RANBP2: variants seen among roughly 807,000 people sequenced by gnomAD.
RANBP2 encodes the protein RAN binding protein 2, also known as E3 SUMO-protein ligase RanBP2.
Under a neutral mutation model 303.6 loss-of-function variants are expected in RANBP2, and 57 were observed. The ratio of observed to expected loss-of-function variants is 0.19; its 90% CI spans 0.15 to 0.23. RANBP2 has a LOEUF of 0.23. RANBP2 is among the 10% of genes least tolerant of loss of function. RANBP2 has a pLI of 1.00. For missense variants in RANBP2, 3,138 were observed against 3,780.8 expected, an observed-to-expected ratio of 0.83 and a Z score of 4.46; for synonymous variants, 1,167 against 1,301.5, an observed-to-expected ratio of 0.90 and a Z score of 2.23.
chr2:109,151,176 G>A, the RANBP2 span, among the ~76,000 whole-genome samples: 1 of 152,220 alleles, frequency 6.6e-6, no homozygotes, highest in Non-Finnish European at 1.5e-5. Context: ...AAAGTGCAAT[G>A]AATATATTGA....
the RANBP2 span, chr2:109,585,108 C>T: frequency 1.4e-6 from 2 of 1,472,052 alleles, no homozygotes; most frequent in Non-Finnish European, 1.8e-6. Flanking sequence ...TGTTTTATTA[C>T]AAGAAGAAAA....
At chr2:109,105,796 C>T in the RANBP2 span, among the ~76,000 whole-genome samples, 1 of 151,238 alleles carries the variant, frequency 6.6e-6, no homozygotes, top group Non-Finnish European at 1.5e-5. Flanking sequence ...ACCTGATGAT[C>T]CACCCATCTT....
chr2:109,009,487 T>C, the RANBP2 span, among the ~76,000 whole-genome samples: 1 of 152,096 alleles, frequency 6.6e-6, no homozygotes, highest in African/African-American at 2.4e-5. Context: ...CCACCCAAGA[T>C]TACCACGGTT....
chr2:109,078,717 G>A, the RANBP2 span, among the ~76,000 whole-genome samples: 13 of 146,360 alleles, frequency 8.9e-5, 1 homozygote, highest in Non-Finnish European at 1.5e-4. Context: ...GCGCGTTGGT[G>A]CGCGCCTGTA....
the RANBP2 span, among the ~76,000 whole-genome samples, chr2:109,322,279 TAAATCCAGATCC>T: frequency 7.7e-4 from 117 of 152,190 alleles, no homozygotes; most frequent in Non-Finnish European, 1.5e-3. Context: ...GTTGAAGTCA[TAAATCCAGATCC>T]TGCTCTGTAA....
At chr2:109,737,381 T>C in the RANBP2 span, 2 of 667,254 alleles carry the variant, frequency 3.0e-6, no homozygotes, top group Non-Finnish European at 5.4e-6. Flanking sequence ...CCGTTCACTT[T>C]GATCCTTTCT....
chr2:108,833,880 A>G, the RANBP2 span, among the ~76,000 whole-genome samples: 1 of 139,814 alleles, frequency 7.2e-6, no homozygotes, highest in Non-Finnish European at 1.5e-5. Flanking sequence ...GGCGCCCGCT[A>G]CCACGCCCGG....
chr2:109,143,834 G>T, the RANBP2 span, among the ~76,000 whole-genome samples: 18 of 137,856 alleles, frequency 1.3e-4, no homozygotes, highest in Admixed American at 4.3e-4. Flanking sequence ...ACACACACAC[G>T]TATATACACA....
chr2:109,566,120 T>A, the RANBP2 span, among the ~76,000 whole-genome samples: 2 of 151,904 alleles, frequency 1.3e-5, no homozygotes, highest in African/African-American at 2.4e-5. Context: ...AAAATTTATT[T>A]ATTTATTTTT....
chr2:109,233,852 G>A, the RANBP2 span, among the ~76,000 whole-genome samples: 36 of 152,190 alleles, frequency 2.4e-4, no homozygotes, highest in Non-Finnish European at 2.2e-4. Context: ...GCACATTTGC[G>A]ATTGGTCTGC....
the RANBP2 span, among the ~76,000 whole-genome samples, chr2:109,722,543 C>T: frequency 3.9e-5 from 6 of 152,182 alleles, no homozygotes; most frequent in Admixed American, 6.5e-5. Context: ...CATAGATAAA[C>T]GTGTGCCATG....
the RANBP2 span, among the ~76,000 whole-genome samples, chr2:109,155,800 G>A: frequency 5.3e-5 from 8 of 152,218 alleles, no homozygotes; most frequent in African/African-American, 1.4e-4. Context: ...TGTGAATAAC[G>A]TAGAATGGAA....
At chr2:109,267,111 C>T in the RANBP2 span, among the ~76,000 whole-genome samples, 8 of 152,248 alleles carry the variant, frequency 5.3e-5, no homozygotes, top group East Asian at 1.9e-4. Flanking sequence ...TGATGGGTAT[C>T]GCTCAGTAAT....
chr2:109,670,606 C>T, the RANBP2 span, among the ~76,000 whole-genome samples: 6 of 152,294 alleles, frequency 3.9e-5, no homozygotes, highest in African/African-American at 1.4e-4. Flanking sequence ...TCTCCCCAGA[C>T]TCCAAACTCT....
the RANBP2 span, among the ~76,000 whole-genome samples, chr2:109,719,556 G>A: frequency 1.3e-5 from 2 of 151,690 alleles, no homozygotes; most frequent in Non-Finnish European, 2.9e-5. Context: ...ACAGGTGTGC[G>A]CCACTACACC....
chr2:109,091,271 A>G, the RANBP2 span, among the ~76,000 whole-genome samples: 1 of 152,086 alleles, frequency 6.6e-6, no homozygotes, highest in East Asian at 1.9e-4. Flanking sequence ...AAAAATAAAA[A>G]TAGATTAATC....
the RANBP2 span, among the ~76,000 whole-genome samples, chr2:109,477,053 A>G: frequency 2.6e-5 from 4 of 152,118 alleles, no homozygotes; most frequent in African/African-American, 9.7e-5. Context: ...TGTGACTTAG[A>G]ATGCCTTAAC....
At chr2:109,514,212 C>T in the RANBP2 span, among the ~76,000 whole-genome samples, 2 of 152,200 alleles carry the variant, frequency 1.3e-5, no homozygotes, top group African/African-American at 4.8e-5. Context: ...GCCCTGGAAA[C>T]TCCCATGTGC....
At chr2:108,958,150 G>A in the RANBP2 span, among the ~76,000 whole-genome samples, 1 of 152,082 alleles carries the variant, frequency 6.6e-6, no homozygotes, top group Admixed American at 6.6e-5. Context: ...CCAGGAGAAA[G>A]AAAGGCGGGA....
Sources: gnomAD v4.1 joint callset for allele counts (sites outside exome capture counted in the v4.1 genomes callset) on GRCh38, gnomAD v4.1.1 for gene constraint, MANE v1.5 for transcripts, NCBI Gene and HGNC (gene_info 2026-07-23, HGNC 2026-07-21) for gene names.